The following ARMC1 variants were observed in gnomAD, a reference collection of about 807,000 sequenced individuals.
The protein encoded by ARMC1 is armadillo repeat containing 1, also known as armadillo repeat-containing protein 1.
Under a neutral mutation model 31.4 loss-of-function variants are expected in ARMC1, and 16 were observed. The observed-to-expected ratio is 0.51, with a 90% CI of 0.34 to 0.77. The LOEUF (loss-of-function observed/expected upper bound fraction) is 0.77. Ranked by LOEUF, ARMC1 falls within the 30% of genes least tolerant of loss-of-function variation. The probability of loss-of-function intolerance (pLI) is 0.01; values close to 1 mark genes in which losing one functional copy is unlikely to be tolerated. For missense variants in ARMC1, 259 were observed against 347.5 expected, an observed-to-expected ratio of 0.75 and a Z score of 2.02; for synonymous variants, 114 against 118.9, an observed-to-expected ratio of 0.96 and a Z score of 0.27.
At chr8:65,625,515 C>A (rs1808493749) in intron 2 of ARMC1, among the ~76,000 whole-genome samples, 1 of 152,194 alleles carries the variant, frequency 6.6e-6, no homozygotes, top group South Asian at 2.1e-4. Flanking sequence ...ATTCTAGTAG[C>A]CCTTGCCCTC....
At chr8:65,629,781 A>AGACG (rs1171582051) in intron 1 of ARMC1, among the ~76,000 whole-genome samples, 30 of 146,266 alleles carry the variant, frequency 2.1e-4, no homozygotes, top group Admixed American at 4.8e-4. Flanking sequence ...CCTGGGCAAC[A>AGACG]GAGCAAGACT....
At chr8:65,615,995 A>G (rs966915459) in intron 3 of ARMC1, among the ~76,000 whole-genome samples, 5 of 152,270 alleles carry the variant, frequency 3.3e-5, no homozygotes, top group African/African-American at 1.2e-4. Flanking sequence ...ATAATAAAAC[A>G]TCCAATAACT....
At chr8:65,619,000 G>C (rs759875508) in intron 3 of ARMC1, among the ~76,000 whole-genome samples, 5 of 151,814 alleles carry the variant, frequency 3.3e-5, no homozygotes, top group African/African-American at 1.2e-4. Context: ...CCGAGATCGC[G>C]CCACTGCACT....
At chr8:65,631,519 C>G (rs183002857) in intron 1 of ARMC1, among the ~76,000 whole-genome samples, 15 of 152,318 alleles carry the variant, frequency 9.8e-5, no homozygotes, top group Admixed American at 7.8e-4. Flanking sequence ...CAGGCGTGAG[C>G]CACCACGCCT....
chr8:65,627,513 C>A (rs1808539079), intron 1 of ARMC1, 80 bp from the exon 2 acceptor site: 2 of 738,716 alleles, frequency 2.7e-6, no homozygotes. Flanking sequence ...GATTACAACA[C>A]CTTTAGAAAG....
At position 65,627,299 on chromosome 8, in the gene ARMC1, T is replaced by C. The variant is rs747497106; in HGVS notation, c.100A>G (p.Ile34Val). 2 of 1,613,492 alleles carry C rather than the reference T, an allele frequency of 1.2e-6. No homozygotes were observed. The highest frequency in any genetic ancestry group is 1.7e-6 in the Non-Finnish European group (2 of 1,179,772). ...LAADPLNRRA[I>V]VQDQGCLPGL... Reference sequence around the variant, plus strand: ...GGCAGACATCCCTGATCCTGGACGATGGCTCTTCTGTTTAACGGATCTGCT... The same window carrying C: ...GGCAGACATCCCTGATCCTGGACGACGGCTCTTCTGTTTAACGGATCTGCT... The change falls in exon 2 of 7, where the codon ATC (isoleucine) becomes GTC (valine). Residue 34 changes from isoleucine (I) to valine (V), a missense_variant. Around this residue, in one of 3 missense-constraint regions of ARMC1, gnomAD observed 163 missense variants for 186.7 expected, o/e 0.87. Coordinates refer to ENST00000276569, the MANE Select transcript of ARMC1 (RefSeq NM_018120.6).
intron 3 of ARMC1, among the ~76,000 whole-genome samples, chr8:65,614,499 G>T (rs1808209611): frequency 6.6e-6 from 1 of 152,154 alleles, no homozygotes; most frequent in Non-Finnish European, 1.5e-5. Context: ...ACAGTCTAAT[G>T]GCTCTTATTA....
intron 3 of ARMC1, among the ~76,000 whole-genome samples, chr8:65,614,746 G>C (rs1486780635): frequency 9.2e-5 from 14 of 152,128 alleles, no homozygotes; most frequent in Admixed American, 9.2e-4. Flanking sequence ...GTTCTAGAAT[G>C]CTTTCTACCC....
intron 4 of ARMC1, among the ~76,000 whole-genome samples, chr8:65,607,530 T>C (rs1808030820): frequency 6.6e-6 from 1 of 152,226 alleles, no homozygotes. Context: ...ACACACTTTT[T>C]TAGCAAGCTT....
chr8:65,626,467 TAATA>T, intron 2 of ARMC1, among the ~76,000 whole-genome samples: 1 of 150,030 alleles, frequency 6.7e-6, no homozygotes, highest in Admixed American at 6.6e-5. Flanking sequence ...AATTTATTTA[TAATA>T]AATAAAAATA....
In ARMC1 at chr8:65,627,334, C is replaced by T. The variant is rs145334177; in HGVS notation, c.65G>A (p.Arg22Gln). 4.7e-4 allele frequency: 759 copies of T among 1,613,182 alleles called. 1 individual carries two copies. Among genetic ancestry groups the T allele is most frequent in the Non-Finnish European group, 6.1e-4 (718 of 1,179,494 alleles). The part of the protein sequence containing the change: ...PDALSVVNQL[R>Q]DLAADPLNRR... Reference sequence around the variant, plus strand: ...GTTTAACGGATCTGCTGCTAGATCCCGTAACTGGTTAACTACCGATAGAGC... The same window carrying T: ...GTTTAACGGATCTGCTGCTAGATCCTGTAACTGGTTAACTACCGATAGAGC... The change falls in exon 2 of 7, where the codon CGG becomes CAG. Residue 22 changes from arginine (R) to glutamine (Q), a missense_variant. Arg to Gln is a conservative substitution (Grantham distance 43). Transcript: ENST00000276569.
intron 2 of ARMC1, among the ~76,000 whole-genome samples, chr8:65,625,357 T>G (rs577812011): frequency 5.3e-5 from 8 of 152,344 alleles, no homozygotes; most frequent in African/African-American, 1.7e-4. Flanking sequence ...CTTGGCTCTG[T>G]GAGCCTACAA....
At chr8:65,606,619 A>G (rs983623332) in intron 4 of ARMC1, among the ~76,000 whole-genome samples, 1 of 152,112 alleles carries the variant, frequency 6.6e-6, no homozygotes, top group African/African-American at 2.4e-5. Context: ...TCAAAACACA[A>G]TATAACATGT....
rs143545380 is a variant in ARMC1 at position 65,615,427 on chromosome 8, G to A, written c.276-1994C>T. Among the ~76,000 whole-genome samples, 1,419 of 151,576 alleles carry A rather than the reference G, an allele frequency of 9.4e-3. 27 individuals carry two copies. Among genetic ancestry groups the A allele is most frequent in the African/African-American group, 0.033 (1,353 of 41,328 alleles). On this transcript the variant is annotated intron_variant, in intron 3 of 6. Transcript: ENST00000276569. ...AAAAAAAAAAAAAAAAAACAGGGCCGGGTACAGTGGCTCATGCCTGTAATT... is the reference window on the plus strand; with the variant it reads ...AAAAAAAAAAAAAAAAAACAGGGCCAGGTACAGTGGCTCATGCCTGTAATT...
intron 4 of ARMC1, among the ~76,000 whole-genome samples, chr8:65,611,617 T>G (rs1808141796): frequency 6.6e-6 from 1 of 152,116 alleles, no homozygotes; most frequent in Admixed American, 6.6e-5. Context: ...GGTAGAAGCT[T>G]AAGTCACTGA....
chr8:65,610,242 C>T (rs1022804130), intron 4 of ARMC1, among the ~76,000 whole-genome samples: 6 of 151,888 alleles, frequency 4.0e-5, no homozygotes, highest in South Asian at 4.2e-4. Context: ...GGATTACAGG[C>T]GTGCACCACC....
intron 2 of ARMC1, among the ~76,000 whole-genome samples, chr8:65,623,173 TGGC>T (rs1808430657): frequency 6.7e-6 from 1 of 150,276 alleles, no homozygotes; most frequent in Non-Finnish European, 1.5e-5. Flanking sequence ...CTGGGCATGG[TGGC>T]AGGTGCCTGT....
intron 2 of ARMC1, among the ~76,000 whole-genome samples, chr8:65,623,786 C>CT (rs201008780): frequency 0.19 from 4,941 of 25,506 alleles, 527 homozygotes; most frequent in Non-Finnish European, 0.21. Context: ...AAAGTAAAAT[C>CT]TTTTTTTTTT....
chr8:65,609,570 A>T (rs1808076879), intron 4 of ARMC1, among the ~76,000 whole-genome samples: 1 of 152,146 alleles, frequency 6.6e-6, no homozygotes, highest in Non-Finnish European at 1.5e-5. Context: ...AACTAGAAAA[A>T]GCTGTGGGCC....
Sources: gnomAD v4.1 joint callset for allele counts (sites outside exome capture counted in the v4.1 genomes callset) on GRCh38, gnomAD v4.1.1 for gene constraint, gnomAD v4.1.1 regional missense constraint, MANE v1.5 for transcripts, NCBI Gene and HGNC (gene_info 2026-07-23, HGNC 2026-07-21) for gene names.